ATL1: variants seen among roughly 807,000 people sequenced by gnomAD.
The protein encoded by ATL1 is atlastin-1.
A neutral mutation model predicts 75.5 loss-of-function variants in ATL1; 31 were observed. That is an observed-to-expected ratio of 0.41 (90% CI 0.31 to 0.55). The LOEUF (loss-of-function observed/expected upper bound fraction) is 0.55. Ranked by LOEUF, ATL1 falls within the 20% of genes least tolerant of loss-of-function variation. The probability of loss-of-function intolerance (pLI) is 0.27; values close to 1 mark genes in which losing one functional copy is unlikely to be tolerated. For missense variants in ATL1, 405 were observed against 662.6 expected, an observed-to-expected ratio of 0.61 and a Z score of 4.27; for synonymous variants, 226 against 233.3, an observed-to-expected ratio of 0.97 and a Z score of 0.28.
chr14:50,587,850 A>G lies in ATL1; in HGVS notation c.54A>G (p.Thr18=), dbSNP rs760438659. Reference sequence around the variant, plus strand: ...CAACAGGTGGATTTTCGGAAAAGACATATGAATGGAGCTCAGAAGAGGAGG... The same window carrying G: ...CAACAGGTGGATTTTCGGAAAAGACGTATGAATGGAGCTCAGAAGAGGAGG... The part of the protein sequence containing the change: ...RNSWGGFSEK[T]YEWSSEEEEP... Residue 18 remains threonine, a synonymous_variant, in exon 2 of 14, where the codon ACA becomes ACG. Transcript: ENST00000358385. The G allele has an allele frequency of 6.2e-7, 1 of 1,614,130 alleles. No individual in the cohort carries two copies. Among genetic ancestry groups the G allele is most frequent in the Non-Finnish European group, 8.5e-7 (1 of 1,180,052 alleles).
chr14:50,620,455 T>G (rs1475417697), intron 8 of ATL1, 144 bp from the exon 9 acceptor site: 3 of 825,024 alleles, frequency 3.6e-6, no homozygotes, highest in Non-Finnish European at 5.6e-6. Context: ...AGAGCAGGTT[T>G]CAGGAGTCGC....
intron 1 of ATL1, chr14:50,560,634 T>TGGGAG: frequency 2.6e-6 from 1 of 380,420 alleles, no homozygotes; most frequent in South Asian, 2.5e-5. Flanking sequence ...AGCGATCGGT[T>TGGGAG]GGGAGGAAGG....
At chr14:50,629,598 A>AC (rs2039559274) in intron 12 of ATL1, among the ~76,000 whole-genome samples, 1 of 151,960 alleles carries the variant, frequency 6.6e-6, no homozygotes, top group African/African-American at 2.4e-5. Context: ...AAAAAAAAAA[A>AC]AACCCTACTT....
intron 8 of ATL1, among the ~76,000 whole-genome samples, chr14:50,618,566 G>C (rs2039435718): frequency 1.3e-5 from 2 of 152,242 alleles, no homozygotes; most frequent in Admixed American, 1.3e-4. Flanking sequence ...ATGCTTGTGT[G>C]TGTTATAAAA....
intron 1 of ATL1, among the ~76,000 whole-genome samples, chr14:50,581,467 T>C (rs760687830): frequency 1.3e-5 from 2 of 152,130 alleles, no homozygotes; most frequent in Non-Finnish European, 2.9e-5. Context: ...TTAATGAATA[T>C]AGTGTAGTAT....
chr14:50,592,523 G>GTA (rs1455030348), intron 4 of ATL1, among the ~76,000 whole-genome samples: 1 of 138,952 alleles, frequency 7.2e-6, no homozygotes, highest in African/African-American at 2.5e-5. Context: ...TTAAATAAAG[G>GTA]ACTTTAAAGT....
intron 1 of ATL1, among the ~76,000 whole-genome samples, chr14:50,554,263 T>C (rs970389404): frequency 1.3e-5 from 2 of 152,206 alleles, no homozygotes; most frequent in African/African-American, 4.8e-5. Flanking sequence ...CTTTGACTCA[T>C]TCTCAAATTG....
chr14:50,560,711 C>T (rs1439959379), intron 1 of ATL1, among the ~76,000 whole-genome samples: 1 of 152,174 alleles, frequency 6.6e-6, no homozygotes, highest in Non-Finnish European at 1.5e-5. Flanking sequence ...GGATCTAGAG[C>T]AGGCCAAGCC....
chr14:50,594,880 T>A (rs895113355), intron 5 of ATL1, among the ~76,000 whole-genome samples: 1 of 151,422 alleles, frequency 6.6e-6, no homozygotes, highest in Non-Finnish European at 1.5e-5. Flanking sequence ...ATGCCTGTGG[T>A]CCCAGCTATT....
At chr14:50,627,872 G>A (rs979791910) in intron 11 of ATL1, among the ~76,000 whole-genome samples, 159 bp from the exon 12 acceptor site, 6 of 152,148 alleles carry the variant, frequency 3.9e-5, no homozygotes, top group East Asian at 1.9e-4. Context: ...GTCATGCCTC[G>A]TGGATAGGGG....
At chr14:50,627,886 G>A in intron 11 of ATL1, 145 bp from the exon 12 acceptor site, 1 of 748,296 alleles carries the variant, frequency 1.3e-6, no homozygotes, top group Non-Finnish European at 2.3e-6. Context: ...ATAGGGGGTG[G>A]AAAGATGTGG....
chr14:50,597,348 A>G (rs573586027), intron 6 of ATL1, among the ~76,000 whole-genome samples: 23 of 152,318 alleles, frequency 1.5e-4, no homozygotes, highest in African/African-American at 5.3e-4. Flanking sequence ...ATTGGAAAAA[A>G]GCTAGTTGCC....
intron 1 of ATL1, among the ~76,000 whole-genome samples, chr14:50,553,168 T>C (rs1256800630): frequency 1.3e-5 from 2 of 151,142 alleles, no homozygotes; most frequent in South Asian, 2.1e-4. Flanking sequence ...TGGTGGTGTG[T>C]GCCTGTAGTC....
intron 6 of ATL1, among the ~76,000 whole-genome samples, chr14:50,606,008 G>A (rs1343210856): frequency 6.6e-6 from 1 of 152,006 alleles, no homozygotes; most frequent in Non-Finnish European, 1.5e-5. Flanking sequence ...GGAAAAAGTA[G>A]CTTGTTTAGA....
chr14:50,595,751 A>G, intron 6 of ATL1, 119 bp downstream of exon 6: 1 of 903,570 alleles, frequency 1.1e-6, no homozygotes. Context: ...CCATTTTTGA[A>G]CTATTTTATG....
intron 2 of ATL1, 116 bp downstream of exon 2, chr14:50,588,194 C>A: frequency 7.6e-7 from 1 of 1,308,086 alleles, no homozygotes; most frequent in Non-Finnish European, 1.1e-6. Flanking sequence ...ATATATGAAC[C>A]AGCTAAAGAA....
At chr14:50,599,483 C>A (rs1443536201) in intron 6 of ATL1, among the ~76,000 whole-genome samples, 1 of 152,142 alleles carries the variant, frequency 6.6e-6, no homozygotes, top group Non-Finnish European at 1.5e-5. Flanking sequence ...CAGATTGGAG[C>A]AGCCATTCCA....
upstream of ATL1, chr14:50,559,329 T>G (rs2038804283): frequency 6.6e-6 from 1 of 152,192 alleles, no homozygotes; most frequent in South Asian, 2.1e-4. Context: ...TATCTTGAGG[T>G]TGAGGTAGTA....
At chr14:50,587,222 AG>A (rs11321045) in intron 1 of ATL1, among the ~76,000 whole-genome samples, 10,591 of 152,260 alleles carry the variant, frequency 0.07, 530 homozygotes, top group Middle Eastern at 0.12. Flanking sequence ...CTCCAAAAGT[AG>A]AGTGCTTTGC....
Sources: allele counts gnomAD v4.1 joint callset (sites outside exome capture counted in the v4.1 genomes callset), GRCh38; gene constraint gnomAD v4.1.1; transcripts MANE v1.5; gene names NCBI Gene and HGNC (gene_info 2026-07-23, HGNC 2026-07-21).